ABCC11: variants seen among roughly 807,000 people sequenced by gnomAD.
ABCC11 encodes the protein ATP binding cassette subfamily C member 11.
Under a neutral mutation model 149.3 loss-of-function variants are expected in ABCC11, and 135 were observed. The observed-to-expected ratio is 0.90, with a 90% CI of 0.79 to 1.04. The LOEUF (loss-of-function observed/expected upper bound fraction) is 1.04. Among genes scored for constraint, ABCC11 ranks in the 50% least tolerant of loss-of-function variants. ABCC11 has a pLI of 0.00. For missense variants in ABCC11, 1,680 were observed against 1,722.1 expected, an observed-to-expected ratio of 0.98 and a Z score of 0.43; for synonymous variants, 665 against 671.4, an observed-to-expected ratio of 0.99 and a Z score of 0.15.
chr16:48,218,870 T>C lies in ABCC11; in HGVS notation c.778-2583A>G, dbSNP rs59340679. 2.6e-3 allele frequency among the ~76,000 whole-genome samples: 397 copies of C among 152,304 alleles called. 3 individuals are homozygous for C. The highest frequency in any genetic ancestry group is 8.7e-3 in the African/African-American group (363 of 41,560). ...AATTACCCAGTCTTGGGTATGTTTT[T>C]ATCAGCAGCGTGAAAATGGACTAAT... On this transcript the variant is annotated intron_variant, in intron 6 of 29. Coordinates refer to ENST00000356608, the MANE Select transcript of ABCC11 (RefSeq NM_001370497.1).
chr16:48,173,690 T>C (rs1300411771), intron 26 of ABCC11, among the ~76,000 whole-genome samples: 1 of 152,206 alleles, frequency 6.6e-6, no homozygotes, highest in African/African-American at 2.4e-5. Context: ...AGTAGCACGA[T>C]CTCGGCTCAC....
intron 20 of ABCC11, among the ~76,000 whole-genome samples, chr16:48,191,515 T>C (rs559913569): frequency 1.3e-5 from 2 of 152,256 alleles, no homozygotes; most frequent in East Asian, 3.9e-4. Flanking sequence ...GCCTGAGTGA[T>C]AGGCAGGTAT....
At chr16:48,227,706 T>C in intron 4 of ABCC11, 100 bp downstream of exon 4, 1 of 1,516,788 alleles carries the variant, frequency 6.6e-7, no homozygotes, top group Non-Finnish European at 9.1e-7. Flanking sequence ...CCAAGTCGTC[T>C]GGCATGGCCC....
At chr16:48,211,226 A>C in intron 10 of ABCC11, 27 bp from the exon 11 acceptor site, 10 of 1,609,250 alleles carry the variant, frequency 6.2e-6, no homozygotes, top group Non-Finnish European at 7.6e-6. Context: ...AAATAGAGGG[A>C]GGAGGAATAC....
chr16:48,222,139 G>A (rs1969786868), intron 6 of ABCC11, among the ~76,000 whole-genome samples: 1 of 151,094 alleles, frequency 6.6e-6, no homozygotes, highest in Non-Finnish European at 1.5e-5. Flanking sequence ...ATGTTGCCCA[G>A]GCTAGTCTCA....
At chr16:48,238,798 T>G (rs1026618927) in intron 1 of ABCC11, among the ~76,000 whole-genome samples, 2 of 151,118 alleles carry the variant, frequency 1.3e-5, no homozygotes, top group Admixed American at 6.6e-5. Context: ...TTAGCCAGGC[T>G]TGGTGGTGGG....
chr16:48,237,441 A>G (rs1449590696), intron 1 of ABCC11, among the ~76,000 whole-genome samples: 1 of 152,190 alleles, frequency 6.6e-6, no homozygotes, highest in African/African-American at 2.4e-5. Flanking sequence ...TGAAGCTACA[A>G]TCAAACATAG....
At chr16:48,169,919 A>T (rs950290607) in intron 28 of ABCC11, among the ~76,000 whole-genome samples, 186 bp downstream of exon 28, 3 of 151,038 alleles carry the variant, frequency 2.0e-5, no homozygotes, top group Non-Finnish European at 4.4e-5. Context: ...GTATAATAAT[A>T]AAAAAAAGGA....
chr16:48,167,123 T>A lies in ABCC11; in HGVS notation c.*151A>T. ...CAAGTAGCCTATTCCAGGGTTTCCA[T>A]CCAGCAATCCCCACCCCCCCTACAT... On this transcript the variant is annotated 3_prime_UTR_variant, in exon 30 of 30. Coordinates refer to ENST00000356608, the MANE Select transcript of ABCC11 (RefSeq NM_001370497.1). 1 of 636,378 alleles carries A rather than the reference T, an allele frequency of 1.6e-6. No homozygotes were observed. Among genetic ancestry groups the A allele is most frequent in the South Asian group, 1.8e-5 (1 of 55,566 alleles). The allele number at this position is 636,378 out of a possible 1,614,324, so 39.4% of individuals were successfully genotyped here.
intron 12 of ABCC11, among the ~76,000 whole-genome samples, chr16:48,206,295 T>G (rs1280405650): frequency 6.6e-6 from 1 of 152,202 alleles, no homozygotes; most frequent in Admixed American, 6.5e-5. Context: ...GTATTTAGAA[T>G]GGAAAGTGTT....
Position 48,187,576 on chromosome 16 carries a change from G to A in ABCC11, c.2707-149C>T. 4.5e-6 allele frequency: 3 copies of A among 671,770 alleles called. No individual in the cohort carries two copies. In the South Asian group the frequency reaches 5.7e-5, roughly 13 times the overall value. The allele number at this position is 671,770 out of a possible 1,614,324, so 41.6% of individuals were successfully genotyped here. A position where few individuals can be genotyped will look rare whatever the true frequency, so the allele number is the denominator to read the frequency against. On this transcript the variant is annotated intron_variant, in intron 20 of 29. Coordinates refer to ENST00000356608, the MANE Select transcript of ABCC11 (RefSeq NM_001370497.1). ...ATGTAGAGCAATGATTTAAAAGCAT[G>A]GATGGGCTCCACGGCTACCTGACTC...
intron 25 of ABCC11, 114 bp downstream of exon 25, chr16:48,176,810 G>A (rs1966105198): frequency 1.6e-6 from 2 of 1,241,742 alleles, no homozygotes; most frequent in African/African-American, 1.5e-5. Context: ...AGCACAGCAT[G>A]AGGACCTAAT....
intron 25 of ABCC11, 70 bp downstream of exon 25, chr16:48,176,854 C>A: frequency 6.6e-7 from 1 of 1,514,466 alleles, no homozygotes. Flanking sequence ...AAACACATGC[C>A]CCTAAATAGG....
At chr16:48,246,575 T>G (rs888761238) in intron 1 of ABCC11, among the ~76,000 whole-genome samples, 1 of 152,180 alleles carries the variant, frequency 6.6e-6, no homozygotes, top group Non-Finnish European at 1.5e-5. Context: ...TATTTATTCA[T>G]TTGTGTATTT....
At chr16:48,244,253 C>G in intron 1 of ABCC11, 1 of 625,048 alleles carries the variant, frequency 1.6e-6, no homozygotes, top group Non-Finnish European at 2.6e-6. Context: ...GGCTTTTGGG[C>G]CCGGGGACGG....
intron 15 of ABCC11, among the ~76,000 whole-genome samples, chr16:48,199,870 C>G (rs1368540964): frequency 6.6e-6 from 1 of 151,708 alleles, no homozygotes; most frequent in Non-Finnish European, 1.5e-5. Context: ...GATGGGAGGT[C>G]TCTCTACGTT....
intron 25 of ABCC11, among the ~76,000 whole-genome samples, chr16:48,176,379 G>A (rs950213531): frequency 2.0e-5 from 3 of 152,140 alleles, no homozygotes; most frequent in Admixed American, 2.0e-4. Flanking sequence ...GAAGTGACAG[G>A]AGAGGAAGAC....
chr16:48,173,425 G>A (rs747342344), intron 26 of ABCC11, among the ~76,000 whole-genome samples: 1 of 152,194 alleles, frequency 6.6e-6, no homozygotes, highest in Non-Finnish European at 1.5e-5. Context: ...GCCTCACAGT[G>A]TTGCTGGGAG....
intron 12 of ABCC11, 68 bp from the exon 13 acceptor site, chr16:48,205,605 G>C (rs1404778364): frequency 1.9e-6 from 3 of 1,578,210 alleles, no homozygotes; most frequent in Non-Finnish European, 2.6e-6. Flanking sequence ...GGCTCAGCAG[G>C]CACAGTGCCC....
Sources: allele counts gnomAD v4.1 joint callset (sites outside exome capture counted in the v4.1 genomes callset), GRCh38; gene constraint gnomAD v4.1.1; transcripts MANE v1.5; gene names NCBI Gene and HGNC (gene_info 2026-07-23, HGNC 2026-07-21).